Variants in GRSF1 observed in about 807,000 individuals in gnomAD.
GRSF1 encodes the protein G-rich RNA sequence binding factor 1, also known as G-rich sequence factor 1.
Under a neutral mutation model 51.1 loss-of-function variants are expected in GRSF1, and 50 were observed. That is an observed-to-expected ratio of 0.98 (90% confidence interval 0.78 to 1.24). GRSF1 has a LOEUF of 1.24. Ranked by LOEUF, GRSF1 falls within the 50% of genes most tolerant of loss-of-function variation. GRSF1 has a pLI of 0.00. For missense variants in GRSF1, 700 were observed against 639.7 expected, an observed-to-expected ratio of 1.09 and a Z score of -1.02; for synonymous variants, 293 against 253.3, an observed-to-expected ratio of 1.16 and a Z score of -1.49.
At chr4:70,827,113 C>A (rs546414494) in intron 6 of GRSF1, among the ~76,000 whole-genome samples, 1 of 151,956 alleles carries the variant, frequency 6.6e-6, no homozygotes, top group African/African-American at 2.4e-5. Flanking sequence ...CACGGGGAAA[C>A]CCCGTCTCTA....
At chr4:70,824,208 G>C (rs1263460777) in intron 9 of GRSF1, 86 bp downstream of exon 9, 2 of 611,204 alleles carry the variant, frequency 3.3e-6, no homozygotes, top group Non-Finnish European at 6.1e-6. Context: ...GACCTCAGGT[G>C]GTCCGCCCAC....
In GRSF1 at chr4:70,831,576, G is replaced by C; in HGVS notation, c.913C>G (p.Gln305Glu). ...VQFEEPEMAN[Q>E]ALLKHREEIG... is the part of the protein sequence containing the mutation. Reference sequence around the variant, plus strand: ...TCTTCCCTGTGTTTCAACAGGGCTTGGTTGGCCATTTCTGGTTCTTCAAAT... The same window carrying C: ...TCTTCCCTGTGTTTCAACAGGGCTTCGTTGGCCATTTCTGGTTCTTCAAAT... The change falls in exon 5 of 10, where the codon CAA becomes GAA. Residue 305 changes from glutamine to glutamate, a missense_variant. Transcript: ENST00000254799. 1 of 1,613,620 alleles carries C rather than the reference G, an allele frequency of 6.2e-7. No homozygotes were observed. Among genetic ancestry groups the C allele is most frequent in the South Asian group, 1.1e-5 (1 of 91,068 alleles).
intron 1 of GRSF1, among the ~76,000 whole-genome samples, chr4:70,837,321 T>C (rs927197568): frequency 6.6e-6 from 1 of 152,058 alleles, no homozygotes; most frequent in Admixed American, 6.6e-5. Context: ...TCCCAGCACC[T>C]TGGGAGGCCG....
In GRSF1 at chr4:70,839,071, G is replaced by A. The variant is rs924662358; in HGVS notation, c.357+400C>T. 1.4e-5 allele frequency: 17 copies of A among 1,213,640 alleles called. No homozygotes were observed. In the African/African-American group the frequency reaches 1.9e-4, roughly 14 times the overall value. 75.2% of individuals were successfully genotyped at this position (1,213,640 alleles called of 1,614,324 possible). A position where few individuals can be genotyped will look rare whatever the true frequency, so the allele number is the denominator to read the frequency against. On this transcript the variant is annotated intron_variant, in intron 1 of 9. Transcript: ENST00000254799. ...CCCAGGCCTAGCGCTCGGGCTGCAC[G>A]GAAACTCCCAACCCTCCGGCGGGCT...
In GRSF1 at chr4:70,833,559, G is replaced by C. The variant is rs145371539; in HGVS notation, c.515-286C>G. On this transcript the variant is annotated intron_variant, in intron 2 of 9. Transcript: ENST00000254799. ...CAACACAAAATTCATTATTTCTATT[G>C]CAATGTTTCTACAATCACTTAAGGA... Among the ~76,000 whole-genome samples, 381 of 152,252 alleles carry C rather than the reference G, an allele frequency of 2.5e-3. 1 individual carries two copies. The highest frequency in any genetic ancestry group is 5.2e-3 in the South Asian group (25 of 4,818).
rs1371265654 is a variant in GRSF1, at chr4:70,816,158, T to C, written c.*4729A>G. ...AGATGTAATACAGATGTTCCAGACA[T>C]AGGGGTTTGAGTTACATGCTTTTAC... On this transcript the variant is annotated 3_prime_UTR_variant, in exon 10 of 10. Coordinates refer to ENST00000254799, the MANE Select transcript of GRSF1 (RefSeq NM_002092.4). 1.3e-5 allele frequency: 2 copies of C among 151,846 alleles called. No homozygotes were observed. Among genetic ancestry groups the C allele is most frequent in the African/African-American group, 4.8e-5 (2 of 41,330 alleles). The allele number at this position is 151,846 out of a possible 1,614,324, so 9.4% of individuals were successfully genotyped here.
intron 2 of GRSF1, among the ~76,000 whole-genome samples, chr4:70,835,480 A>G (rs1272425200): frequency 6.3e-5 from 9 of 143,254 alleles, no homozygotes; most frequent in South Asian, 4.7e-4. Flanking sequence ...TTTTTGAGAC[A>G]GAGTCTCACT....
upstream of GRSF1, among the ~76,000 whole-genome samples, chr4:70,842,210 C>G: frequency 6.6e-6 from 1 of 152,170 alleles, no homozygotes; most frequent in South Asian, 2.1e-4. Context: ...TCTTGGATAC[C>G]TGGAAAGGGG....
rs764471679 is a variant in GRSF1 at position 70,833,129 on chromosome 4, C to T, written c.659G>A (p.Arg220Gln). 2 of 1,613,670 alleles carry T rather than the reference C, an allele frequency of 1.2e-6. No individual in the cohort carries two copies. The highest frequency in any genetic ancestry group is 8.5e-7 in the Non-Finnish European group (1 of 1,179,794). ...LEKHRMYMGQ[R>Q]YVEVYEINNE... is the part of the protein sequence containing the mutation. ...CTGACTTCACATACCTTCCACATAC[C>T]GCTGGCCCATGTACATGCGGTGCTT... is the stretch of plus-strand genomic sequence containing the variant. The change falls in exon 3 of 10, where the codon CGG becomes CAG. Residue 220 changes from arginine (R) to glutamine (Q), a missense_variant. Coordinates refer to ENST00000254799, the MANE Select transcript of GRSF1 (RefSeq NM_002092.4).
chr4:70,835,467 T>G (rs1330726212), intron 2 of GRSF1, among the ~76,000 whole-genome samples: 1 of 148,884 alleles, frequency 6.7e-6, no homozygotes, highest in Non-Finnish European at 1.5e-5. Flanking sequence ...GGATTTTTTT[T>G]TTTTTTTGAG....
chr4:70,825,200 C>A (rs1274426286), intron 8 of GRSF1, 96 bp downstream of exon 8: 48 of 977,552 alleles, frequency 4.9e-5, no homozygotes, highest in Non-Finnish European at 6.7e-5. Flanking sequence ...ATACAAATTT[C>A]TCAAGGAAAA....
intron 3 of GRSF1, 54 bp downstream of exon 3, chr4:70,833,064 A>G: frequency 2.0e-6 from 3 of 1,495,656 alleles, no homozygotes; most frequent in Non-Finnish European, 2.7e-6. Flanking sequence ...CTACCTTGAA[A>G]AGTATAAAAC....
At position 70,826,011 on chromosome 4, in the gene GRSF1, T is replaced by C. The variant is rs1049674127; in HGVS notation, c.1257+113A>G. 14 of 850,320 alleles carry C rather than the reference T, an allele frequency of 1.6e-5. No individual in the cohort carries two copies. In the African/African-American group the frequency reaches 2.1e-4, roughly 13 times the overall value. 52.7% of individuals were successfully genotyped at this position (850,320 alleles called of 1,614,324 possible). A position where few individuals can be genotyped will look rare whatever the true frequency, so the allele number is the denominator to read the frequency against. ...TGCAACCAGGAAGATGCCATCTTACTATCCAACGCAGAAACACTATATTTT... is the reference window on the plus strand; with the variant it reads ...TGCAACCAGGAAGATGCCATCTTACCATCCAACGCAGAAACACTATATTTT... On this transcript the variant is annotated intron_variant, in intron 7 of 9. Transcript: ENST00000254799.
chr4:70,836,105 G>T, intron 2 of GRSF1, 53 bp downstream of exon 2: 1 of 1,085,022 alleles, frequency 9.2e-7, no homozygotes. Flanking sequence ...ACCTGCTTGT[G>T]AGAAACAATA....
At position 70,825,985 on chromosome 4, in the gene GRSF1, T is replaced by G; in HGVS notation, c.1257+139A>C. ...TCAGCTACAGAAAAAGAAGCAAGCT[T>G]TGCAACCAGGAAGATGCCATCTTAC... is the stretch of plus-strand genomic sequence containing the variant. On this transcript the variant is annotated intron_variant, in intron 7 of 9. Coordinates refer to ENST00000254799, the MANE Select transcript of GRSF1 (RefSeq NM_002092.4). 3 of 705,484 alleles carry G rather than the reference T, an allele frequency of 4.3e-6. No individual in the cohort carries two copies. In the East Asian group the frequency reaches 8.8e-5, roughly 21 times the overall value. 43.7% of individuals were successfully genotyped at this position (705,484 alleles called of 1,614,324 possible). A position where few individuals can be genotyped will look rare whatever the true frequency, so the allele number is the denominator to read the frequency against.
intron 5 of GRSF1, among the ~76,000 whole-genome samples, chr4:70,828,575 T>TA (rs1274987108): frequency 6.8e-6 from 1 of 147,714 alleles, no homozygotes; most frequent in Non-Finnish European, 1.5e-5. Flanking sequence ...TCTGGAACAA[T>TA]TTTTTTTTTT....
Position 70,820,798 on chromosome 4 carries a change from T to C in GRSF1, c.*89A>G, listed in dbSNP as rs1262149776. 1 of 152,664 alleles carries C rather than the reference T, an allele frequency of 6.6e-6. No homozygotes were observed. Among genetic ancestry groups the C allele is most frequent in the Non-Finnish European group, 1.5e-5 (1 of 68,042 alleles). The allele number at this position is 152,664 out of a possible 1,614,324, so 9.5% of individuals were successfully genotyped here. On this transcript the variant is annotated 3_prime_UTR_variant, in exon 10 of 10. Transcript: ENST00000254799. Reference sequence around the variant, plus strand: ...TCATTTCCCTAGCAGTTGCTGCTAATAAACTGGAACTGTATATCCCAAGTC... The same window carrying C: ...TCATTTCCCTAGCAGTTGCTGCTAACAAACTGGAACTGTATATCCCAAGTC...
rs954853579 is a variant in GRSF1, at chr4:70,839,502, G to A, written c.326C>T (p.Ala109Val). Residue 109 changes from alanine to valine, a missense_variant, in exon 1 of 10, where the codon GCG becomes GTG. Coordinates refer to ENST00000254799, the MANE Select transcript of GRSF1 (RefSeq NM_002092.4). ...GTAGCTGCGCGTCGGGACGGCGGCC[G>A]CCGCCGCCAGCGACTGCGGCAGCAG... ...ASLLPQSLAAAAAVPTRSYSQ... is the reference protein window; with the variant it reads ...ASLLPQSLAAVAAVPTRSYSQ... 70 of 1,421,796 alleles carry A rather than the reference G, an allele frequency of 4.9e-5. No individual in the cohort carries two copies. The highest frequency in any genetic ancestry group is 9.1e-5 in the African/African-American group (6 of 65,930). The allele number at this position is 1,421,796 out of a possible 1,614,324, so 88.1% of individuals were successfully genotyped here.
In GRSF1 at chr4:70,818,673, C is replaced by CAAG. The variant is rs1200732765; in HGVS notation, c.*2213_*2214insCTT. On this transcript the variant is annotated 3_prime_UTR_variant, in exon 10 of 10. Coordinates refer to ENST00000254799, the MANE Select transcript of GRSF1 (RefSeq NM_002092.4). ...TCCCTGGTATTTACATACTGCTTCT[C>CAAG]AGAGTTCTCCCTTGCACTCCGTAAG... 6.6e-6 allele frequency: 1 copy of CAAG among 152,210 alleles called. No individual in the cohort carries two copies. Among genetic ancestry groups the CAAG allele is most frequent in the East Asian group, 1.9e-4 (1 of 5,194 alleles). The allele number at this position is 152,210 out of a possible 1,614,324, so 9.4% of individuals were successfully genotyped here.
Sources: gnomAD v4.1 joint callset for allele counts (sites outside exome capture counted in the v4.1 genomes callset) on GRCh38, gnomAD v4.1.1 for gene constraint, MANE v1.5 for transcripts, NCBI Gene and HGNC (gene_info 2026-07-23, HGNC 2026-07-21) for gene names.